Variants in CEP63 observed in about 807,000 individuals in gnomAD.
CEP63 encodes centrosomal protein 63.
Under a neutral mutation model 89.1 loss-of-function variants are expected in CEP63, and 84 were observed. The observed-to-expected ratio is 0.94, with a 90% CI of 0.79 to 1.13. The LOEUF (loss-of-function observed/expected upper bound fraction) is 1.13, where lower values mean the gene tolerates loss of function less well. Ranked by LOEUF, CEP63 falls within the 50% of genes most tolerant of loss-of-function variation. The pLI is 0.00. For missense variants in CEP63, 838 were observed against 813.3 expected, an observed-to-expected ratio of 1.03 and a Z score of -0.37; for synonymous variants, 267 against 272.5, an observed-to-expected ratio of 0.98 and a Z score of 0.20.
chr3:134,579,713 TATATATCC>T (rs1443571737), downstream of CEP63, among the ~76,000 whole-genome samples: 3 of 152,218 alleles, frequency 2.0e-5, no homozygotes, highest in Non-Finnish European at 4.4e-5. Flanking sequence ...GAAGTAAGAA[TATATATCC>T]ACATTTGTAT....
chr3:134,525,616 A>G (rs1027470117), intron 3 of CEP63, among the ~76,000 whole-genome samples: 4 of 152,196 alleles, frequency 2.6e-5, no homozygotes, highest in Admixed American at 2.0e-4. Context: ...GCTTTATAGT[A>G]TCACTGGTCT....
the CEP63 span, chr3:134,619,196 T>C: frequency 6.2e-7 from 1 of 1,613,982 alleles, no homozygotes; most frequent in African/African-American, 1.3e-5. Context: ...GTTGGTCTTC[T>C]GGGTCCGCAG....
the CEP63 span, among the ~76,000 whole-genome samples, chr3:134,690,658 T>C: frequency 1.3e-5 from 2 of 152,098 alleles, no homozygotes; most frequent in African/African-American, 4.8e-5. Flanking sequence ...CTTTAAACTC[T>C]TAAAAATTAG....
At chr3:134,701,259 CATATAT>C in the CEP63 span, among the ~76,000 whole-genome samples, 8 of 72,764 alleles carry the variant, frequency 1.1e-4, no homozygotes, top group Admixed American at 1.4e-4. Flanking sequence ...TACATATACA[CATATAT>C]ACATATACAC....
intron 3 of CEP63, among the ~76,000 whole-genome samples, chr3:134,529,688 G>A (rs1949466706): frequency 6.7e-6 from 1 of 150,102 alleles, no homozygotes; most frequent in Non-Finnish European, 1.5e-5. Context: ...TTCCTTTTTT[G>A]TAGAGAAAGG....
the CEP63 span, among the ~76,000 whole-genome samples, chr3:134,697,514 T>C: frequency 6.6e-6 from 1 of 152,136 alleles, no homozygotes; most frequent in African/African-American, 2.4e-5. Flanking sequence ...TATGGGGAGA[T>C]GGAAGTGTTT....
At chr3:134,494,598 GC>G (rs1440677139) in intron 1 of CEP63, among the ~76,000 whole-genome samples, 2 of 152,152 alleles carry the variant, frequency 1.3e-5, no homozygotes, top group Non-Finnish European at 2.9e-5. Context: ...GTTGAGCTCT[GC>G]AGCTGCAGAG....
At chr3:134,588,218 G>A (rs1429590441), downstream of CEP63, among the ~76,000 whole-genome samples, 1 of 152,054 alleles carries the variant, frequency 6.6e-6, no homozygotes, top group Admixed American at 6.5e-5. Flanking sequence ...ACTTGAGGGG[G>A]ATAGAGGTTG....
chr3:134,613,081 C>T, the CEP63 span: 1 of 154,340 alleles, frequency 6.5e-6, no homozygotes, highest in East Asian at 1.9e-4. Context: ...AAGGGGAGTC[C>T]TGGGAACAAT....
intron 1 of CEP63, among the ~76,000 whole-genome samples, chr3:134,486,906 T>TA (rs1195863819): frequency 6.6e-6 from 1 of 152,188 alleles, no homozygotes; most frequent in Non-Finnish European, 1.5e-5. Flanking sequence ...ATCATGGAGA[T>TA]ACTTGAAGAC....
the CEP63 span, among the ~76,000 whole-genome samples, chr3:134,746,068 A>ACCCC: frequency 8.4e-6 from 1 of 119,730 alleles, no homozygotes; most frequent in Admixed American, 8.4e-5. Flanking sequence ...CTCCTCCACC[A>ACCCC]CCCCCCCCAC....
intron 3 of CEP63, among the ~76,000 whole-genome samples, chr3:134,521,632 T>A (rs1301881702): frequency 6.6e-6 from 1 of 152,202 alleles, no homozygotes; most frequent in Non-Finnish European, 1.5e-5. Context: ...TTTCCCACTT[T>A]GTTTTATTCT....
Position 134,506,402 on chromosome 3 carries a change from C to T in CEP63, c.45-707C>T, listed in dbSNP as rs115458649. Among the ~76,000 whole-genome samples the T allele has an allele frequency of 3.3e-3, 501 of 152,228 alleles. 5 individuals carry two copies. The highest frequency in any genetic ancestry group is 0.012 in the African/African-American group (479 of 41,544). ...GTCTGCTTTCTTCCAAGGCTTTTTC[C>T]TTTAGCTAGATGAAAATGTGATGTA... On this transcript the variant is annotated intron_variant, in intron 2 of 14. Coordinates refer to ENST00000675561, the MANE Select transcript of CEP63 (RefSeq NM_001353108.3).
At chr3:134,662,968 G>C in the CEP63 span, among the ~76,000 whole-genome samples, 1 of 152,184 alleles carries the variant, frequency 6.6e-6, no homozygotes, top group African/African-American at 2.4e-5. Flanking sequence ...GGTACCCTCA[G>C]TCCAGATCTG....
chr3:134,534,448 C>G (rs1393384887), intron 5 of CEP63, among the ~76,000 whole-genome samples: 1 of 152,192 alleles, frequency 6.6e-6, no homozygotes, highest in South Asian at 2.1e-4. Flanking sequence ...CTTTGACTCT[C>G]AGTAATCATT....
intron 6 of CEP63, among the ~76,000 whole-genome samples, chr3:134,537,633 C>T (rs557984933): frequency 4.6e-4 from 70 of 152,310 alleles, no homozygotes; most frequent in Non-Finnish European, 8.8e-4. Context: ...GTCGCCCTCT[C>T]TTCCTCCCCT....
At chr3:134,683,530 G>A in the CEP63 span, among the ~76,000 whole-genome samples, 3 of 152,092 alleles carry the variant, frequency 2.0e-5, no homozygotes, top group East Asian at 5.8e-4. Flanking sequence ...GTTGAGATTT[G>A]TTATCAACAT....
At chr3:134,620,912 G>C in the CEP63 span, 1 of 1,091,080 alleles carries the variant, frequency 9.2e-7, no homozygotes, top group Non-Finnish European at 1.4e-6. Context: ...GCTGTTGGGG[G>C]CCCAGCATCT....
intron 5 of CEP63, chr3:134,536,037 C>T (rs1950708007): frequency 1.3e-5 from 2 of 152,194 alleles, no homozygotes; most frequent in African/African-American, 4.8e-5. Context: ...CCAGGATGCT[C>T]TTATTTCAAG....
Sources: allele counts gnomAD v4.1 joint callset (sites outside exome capture counted in the v4.1 genomes callset), GRCh38; gene constraint gnomAD v4.1.1; transcripts MANE v1.5; gene names NCBI Gene and HGNC (gene_info 2026-07-23, HGNC 2026-07-21).